Variants in UNK observed in about 807,000 individuals in gnomAD.
UNK encodes the protein RING finger protein unkempt homolog.
In UNK, 32 loss-of-function variants were observed where a neutral mutation model predicts 97.6. That is an observed-to-expected ratio of 0.33 (90% CI 0.25 to 0.44). UNK has a LOEUF of 0.44. Ranked by LOEUF, UNK falls within the 20% of genes least tolerant of loss-of-function variation. The probability of loss-of-function intolerance (pLI) is 1.00; values close to 1 mark genes in which losing one functional copy is unlikely to be tolerated. For missense variants in UNK, 771 were observed against 1,098.4 expected, an observed-to-expected ratio of 0.70 and a Z score of 4.21; for synonymous variants, 441 against 461.2, an observed-to-expected ratio of 0.96 and a Z score of 0.56.
Position 75,812,116 on chromosome 17 carries a change from C to T in UNK, c.319C>T (p.Pro107Ser), listed in dbSNP as rs1199202441. The change falls in exon 3 of 16, where the codon CCA (proline) becomes TCA (serine). Residue 107 changes from proline to serine, a missense_variant. Pro to Ser is a moderately conservative substitution (Grantham distance 74). This residue lies in a region of UNK where 246 missense variants were observed against 440.7 expected (regional missense o/e 0.56). Transcript: ENST00000589666. ...ACCCCCACTACCGTGTTCCAGGTGC[C>T]CATTCCTGCACAGAACCACAGGGGA... is the stretch of plus-strand genomic sequence containing the variant. Reference protein sequence around the residue: ...TGLCPEGDECPFLHRTTGDTE... With the variant: ...TGLCPEGDECSFLHRTTGDTE... 2 of 1,597,594 alleles carry T rather than the reference C, an allele frequency of 1.3e-6. No homozygotes were observed. The highest frequency in any genetic ancestry group is 1.7e-5 in the Admixed American group (1 of 58,410).
chr17:75,824,331 C>T lies in UNK; in HGVS notation c.2347C>T (p.Gln783Ter). The change falls in exon 16 of 16, where the codon CAA (glutamine) becomes TAA (stop). Residue 783 changes from glutamine (Q) to a stop codon, truncating the protein, a stop_gained. Transcript: ENST00000589666. LOFTEE classifies it high-confidence loss of function. The surrounding 1 kb of genome is among the most constrained non-coding windows in gnomAD (Gnocchi z 4.9). Reference sequence around the variant, plus strand: ...ACAGAAGCGGGCAGTGCTGCCGTGCCAACACGCTGCGCTGTGTGAGCTCTG... The same window carrying T: ...ACAGAAGCGGGCAGTGCTGCCGTGCTAACACGCTGCGCTGTGTGAGCTCTG... ...QEQKRAVLPC[Q>*]HAALCELCAE... The T allele has an allele frequency of 6.2e-7, 1 of 1,604,062 alleles. No individual in the cohort carries two copies. Among genetic ancestry groups the T allele is most frequent in the Non-Finnish European group, 8.5e-7 (1 of 1,176,794 alleles).
rs2062038815 is a variant in UNK at position 75,818,694 on chromosome 17, C to T, written c.1424C>T (p.Ser475Phe). The change falls in exon 11 of 16, where the codon TCT becomes TTT. Residue 475 changes from serine to phenylalanine, a missense_variant. Ser to Phe is a radical substitution (Grantham distance 155, BLOSUM62 -2). Around this residue, in one of 5 missense-constraint regions of UNK, gnomAD observed 192 missense variants for 202.4 expected, o/e 0.95. Coordinates refer to ENST00000589666, the MANE Select transcript of UNK (RefSeq NM_001080419.3). This position sits in a 1 kb window ranked among gnomAD's most constrained non-coding sequence, Gnocchi z 5.1. Reference protein sequence around the residue: ...AGSPLTSSISSSITSSLAATP... With the variant: ...AGSPLTSSISFSITSSLAATP... ...AGCCCCCTGACCTCAAGCATCTCTT[C>T]TAGTATCACCTCCAGCCTGGCAGCT... 2 of 1,612,630 alleles carry T rather than the reference C, an allele frequency of 1.2e-6. No individual in the cohort carries two copies. Among genetic ancestry groups the T allele is most frequent in the Non-Finnish European group, 1.7e-6 (2 of 1,179,256 alleles).
Position 75,822,562 on chromosome 17 carries a change from G to T in UNK, c.1923G>T (p.Gly641=). 1 of 1,613,540 alleles carries T rather than the reference G, an allele frequency of 6.2e-7. No homozygotes were observed. Among genetic ancestry groups the T allele is most frequent in the South Asian group, 1.1e-5 (1 of 91,036 alleles). Residue 641 remains glycine (G), a synonymous_variant, in exon 14 of 16, where the codon GGG becomes GGT. Transcript: ENST00000589666. ...SPGTSPAFLS[G]PGAAELARLR... is the part of the protein sequence containing the mutation. ...GCACTTCCCCCGCTTTCCTATCAGG[G>T]CCAGGGGCTGCCGAGCTGGCCCGAC... is the stretch of plus-strand genomic sequence containing the variant.
intron 1 of UNK, among the ~76,000 whole-genome samples, chr17:75,797,180 C>T (rs1347030356): frequency 6.6e-6 from 1 of 152,086 alleles, no homozygotes; most frequent in Non-Finnish European, 1.5e-5. Context: ...AGGACTATGT[C>T]TTGCTTTTTA....
At chr17:75,812,374 A>G in intron 3 of UNK, 81 bp from the exon 4 acceptor site, 4 of 1,581,868 alleles carry the variant, frequency 2.5e-6, no homozygotes, top group East Asian at 2.2e-5. Flanking sequence ...AGTACCTCAG[A>G]CTGCAGTGGA....
intron 1 of UNK, among the ~76,000 whole-genome samples, chr17:75,796,707 G>A (rs975780831): frequency 6.6e-6 from 1 of 152,178 alleles, no homozygotes; most frequent in African/African-American, 2.4e-5. Flanking sequence ...GTATCAGAAT[G>A]TGTATGTATA....
chr17:75,818,772 C>A lies in UNK; in HGVS notation c.1502C>A (p.Ala501Asp). ...TSSVPGMNAN[A>D]LPFYPTSDTV... ...AGCGTCCCCGGCATGAATGCAAACG[C>A]TCTGCCCTTCTACCCCACCAGCGAC... Residue 501 changes from alanine to aspartate, a missense_variant, in exon 11 of 16, where the codon GCT (alanine) becomes GAT (aspartate). Physicochemically the swap from Ala to Asp is moderately radical, Grantham distance 126 (BLOSUM62 -2). Coordinates refer to ENST00000589666, the MANE Select transcript of UNK (RefSeq NM_001080419.3). The surrounding 1 kb of genome is among the most constrained non-coding windows in gnomAD (Gnocchi z 5.1). 1 of 1,612,416 alleles carries A rather than the reference C, an allele frequency of 6.2e-7. No individual in the cohort carries two copies. The highest frequency in any genetic ancestry group is 1.7e-5 in the Admixed American group (1 of 59,792).
intron 1 of UNK, among the ~76,000 whole-genome samples, chr17:75,802,953 C>T (rs916537735): frequency 3.6e-5 from 5 of 138,996 alleles, no homozygotes; most frequent in South Asian, 2.4e-4. Flanking sequence ...GGTGAAACCT[C>T]GTCTCTACTA....
chr17:75,813,093 TG>T lies in UNK; in HGVS notation c.642del (p.Asn215ThrfsTer105). ...CCCTGTGCAGAGACTGCTTATGTGCTGGGGAACTATAAGACGGAGCCTTGCA... is the reference window on the plus strand; with the variant it reads ...CCCTGTGCAGAGACTGCTTATGTGCTGGGAACTATAAGACGGAGCCTTGCA... ...EPRWQETAYVLGNYKTEPCKK... is the reference protein window; with the variant it reads ...EPRWQETAYVXGNYKTEPCKK... On this transcript the variant is annotated frameshift_variant, in exon 5 of 16. Coordinates refer to ENST00000589666, the MANE Select transcript of UNK (RefSeq NM_001080419.3). LOFTEE classifies it high-confidence loss of function. 6.3e-7 allele frequency: 1 copy of T among 1,587,388 alleles called. No individual in the cohort carries two copies. The highest frequency in any genetic ancestry group is 8.6e-7 in the Non-Finnish European group (1 of 1,166,950).
At chr17:75,794,977 T>A (rs1299338203) in intron 1 of UNK, among the ~76,000 whole-genome samples, 1 of 152,222 alleles carries the variant, frequency 6.6e-6, no homozygotes, top group African/African-American at 2.4e-5. Context: ...CAGCCCTGAT[T>A]GAATGCCTTC....
chr17:75,793,302 ATTTC>A (rs2061778564), intron 1 of UNK: 1 of 541,154 alleles, frequency 1.8e-6, no homozygotes, highest in South Asian at 8.1e-5. Context: ...TTACATGGGC[ATTTC>A]TTTAAGGACA....
rs771087073 is a variant in UNK, at chr17:75,819,960, C to T, written c.1689C>T (p.Pro563=). The part of the protein sequence containing the change: ...LLQSSAPVNI[P]GSLGSSASFH... ...AGAGCTCTGCACCCGTGAACATCCC[C>T]GGCTCCTTGGGCAGCTCTGCCTCCT... The change falls in exon 13 of 16, where the codon CCC becomes CCT. Residue 563 remains proline, a synonymous_variant. Transcript: ENST00000589666. This position sits in a 1 kb window ranked among gnomAD's most constrained non-coding sequence, Gnocchi z 5.4. The T allele has an allele frequency of 1.7e-5, 27 of 1,612,628 alleles. No homozygotes were observed. The highest frequency in any genetic ancestry group is 5.3e-5 in the African/African-American group (4 of 74,918).
At chr17:75,811,203 G>A (rs1184141447) in intron 2 of UNK, among the ~76,000 whole-genome samples, 3 of 152,096 alleles carry the variant, frequency 2.0e-5, no homozygotes, top group Non-Finnish European at 4.4e-5. Context: ...CACCCGCCTC[G>A]GCCTCCCACA....
At chr17:75,801,789 C>T (rs1263936997) in intron 1 of UNK, among the ~76,000 whole-genome samples, 1 of 151,330 alleles carries the variant, frequency 6.6e-6, no homozygotes, top group African/African-American at 2.4e-5. Flanking sequence ...GTGATCCACC[C>T]GTCTCAGCCT....
chr17:75,797,054 A>G (rs1012116924), intron 1 of UNK, among the ~76,000 whole-genome samples: 5 of 152,194 alleles, frequency 3.3e-5, no homozygotes, highest in Admixed American at 6.5e-5. Flanking sequence ...TTTGGATACT[A>G]CAAATAATCT....
intron 1 of UNK, among the ~76,000 whole-genome samples, chr17:75,805,577 A>G (rs1001965024): frequency 6.6e-6 from 1 of 151,860 alleles, no homozygotes. Flanking sequence ...GGGGAGGATT[A>G]CTTGAGCTCA....
At position 75,809,958 on chromosome 17, in the gene UNK, G is replaced by A. The variant is rs771692820; in HGVS notation, c.303G>A (p.Pro101=). 67 of 1,613,362 alleles carry A rather than the reference G, an allele frequency of 4.2e-5. No individual in the cohort carries two copies. Among genetic ancestry groups the A allele is most frequent in the Admixed American group, 2.0e-4 (12 of 60,002 alleles). The part of the protein sequence containing the change: ...TKYDEATGLC[P]EGDECPFLHR... ...ACGACGAGGCTACAGGCCTCTGCCCGGAGGGCGACGAGTGAGTGACCCAGC... is the reference window on the plus strand; with the variant it reads ...ACGACGAGGCTACAGGCCTCTGCCCAGAGGGCGACGAGTGAGTGACCCAGC... The change falls in exon 2 of 16, where the codon CCG becomes CCA. Residue 101 remains proline (P), a synonymous_variant. Transcript: ENST00000589666.
intron 7 of UNK, among the ~76,000 whole-genome samples, 198 bp downstream of exon 7, chr17:75,815,451 A>C (rs1051263697): frequency 2.6e-5 from 4 of 152,232 alleles, no homozygotes; most frequent in Non-Finnish European, 4.4e-5. Flanking sequence ...TAGAGCTTCC[A>C]AAGTAGTGAG....
chr17:75,785,006 C>T (rs763953900), intron 1 of UNK, 22 bp downstream of exon 1: 8 of 1,360,952 alleles, frequency 5.9e-6, no homozygotes, highest in Middle Eastern at 2.6e-4. Context: ...CCCCCCCCCC[C>T]CGCCGCGCGC....
Sources: allele counts gnomAD v4.1 joint callset (sites outside exome capture counted in the v4.1 genomes callset), GRCh38; gene constraint gnomAD v4.1.1; regional missense constraint gnomAD v4.1.1; non-coding constraint Gnocchi (gnomAD v3.1); transcripts MANE v1.5; gene names NCBI Gene and HGNC (gene_info 2026-07-23, HGNC 2026-07-21).